ELP4: variants seen among roughly 807,000 people sequenced by gnomAD.
The protein encoded by ELP4 is elongator complex protein 4.
In ELP4, 51 loss-of-function variants were observed where a neutral mutation model predicts 48.9. The observed-to-expected ratio is 1.04, with a 90% CI of 0.83 to 1.32. ELP4 has a LOEUF of 1.32. Among genes scored for constraint, ELP4 ranks in the 40% most tolerant of loss-of-function variants. ELP4 has a pLI of 0.00. For missense variants in ELP4, 519 were observed against 514.6 expected (o/e 1.01, Z -0.08); for synonymous variants, 210 against 189.2 (o/e 1.11, Z -0.90).
chr11:31,641,290 G>A (rs950012440), intron 7 of ELP4, among the ~76,000 whole-genome samples: 2 of 151,642 alleles, frequency 1.3e-5, no homozygotes, highest in African/African-American at 2.4e-5. Context: ...ATTTCATTAC[G>A]GGGCATTATG....
At chr11:31,775,793 C>T (rs1011312298) in intron 9 of ELP4, among the ~76,000 whole-genome samples, 2 of 151,884 alleles carry the variant, frequency 1.3e-5, no homozygotes, top group Non-Finnish European at 2.9e-5. Flanking sequence ...GGCAAAATCC[C>T]GTCTCTACTA....
At chr11:31,686,051 A>G (rs1299826221) in intron 9 of ELP4, among the ~76,000 whole-genome samples, 1 of 152,018 alleles carries the variant, frequency 6.6e-6, no homozygotes, top group South Asian at 2.1e-4. Flanking sequence ...CAACTTCTCT[A>G]TAGTCTGTTA....
At chr11:31,712,098 T>C (rs1946753154) in intron 9 of ELP4, among the ~76,000 whole-genome samples, 1 of 152,026 alleles carries the variant, frequency 6.6e-6, no homozygotes, top group Admixed American at 6.6e-5. Flanking sequence ...TACCTAGGTC[T>C]AGTTACCATC....
intron 2 of ELP4, among the ~76,000 whole-genome samples, chr11:31,536,459 C>G (rs1956502883): frequency 6.6e-6 from 1 of 152,152 alleles, no homozygotes; most frequent in East Asian, 1.9e-4. Flanking sequence ...TCAAGCAATT[C>G]TCCTGCCTCA....
At chr11:31,711,543 T>A (rs1386885365) in intron 9 of ELP4, among the ~76,000 whole-genome samples, 1 of 152,210 alleles carries the variant, frequency 6.6e-6, no homozygotes, top group Admixed American at 6.5e-5. Flanking sequence ...TTTAATCTTT[T>A]AAAATTTACC....
chr11:31,782,273 A>G (rs1403906430), intron 9 of ELP4, among the ~76,000 whole-genome samples: 4 of 152,210 alleles, frequency 2.6e-5, no homozygotes, highest in Admixed American at 2.6e-4. Context: ...GTGGACCACA[A>G]TATTTTGACC....
chr11:31,665,641 A>T (rs968310675), intron 9 of ELP4, among the ~76,000 whole-genome samples: 5 of 148,302 alleles, frequency 3.4e-5, no homozygotes, highest in Non-Finnish European at 7.4e-5. Flanking sequence ...AAAAATGTTT[A>T]ATCGTCTCTC....
intron 9 of ELP4, among the ~76,000 whole-genome samples, chr11:31,771,064 A>G (rs1313389682): frequency 3.3e-5 from 5 of 152,216 alleles, no homozygotes; most frequent in African/African-American, 1.2e-4. Flanking sequence ...TAAAAGAATT[A>G]AACTCAGCAA....
chr11:31,732,169 A>G (rs574600126), intron 9 of ELP4, among the ~76,000 whole-genome samples: 2 of 152,348 alleles, frequency 1.3e-5, no homozygotes, highest in African/African-American at 4.8e-5. Flanking sequence ...GTAACACTGT[A>G]ATAGTAGTAT....
At chr11:31,615,818 C>T (rs967577976) in intron 5 of ELP4, among the ~76,000 whole-genome samples, 1 of 152,000 alleles carries the variant, frequency 6.6e-6, no homozygotes, top group East Asian at 1.9e-4. Context: ...TCCCTTCATA[C>T]CTCTTTAATT....
intron 9 of ELP4, among the ~76,000 whole-genome samples, chr11:31,744,505 A>T (rs1285879834): frequency 6.6e-6 from 1 of 152,194 alleles, no homozygotes; most frequent in Non-Finnish European, 1.5e-5. Flanking sequence ...ATACTGGCAA[A>T]CTGAATCCAG....
At chr11:31,772,386 C>T (rs1948164979) in intron 9 of ELP4, among the ~76,000 whole-genome samples, 1 of 152,158 alleles carries the variant, frequency 6.6e-6, no homozygotes, top group East Asian at 1.9e-4. Context: ...CTCCCAAGTG[C>T]TGGAATTACA....
intron 9 of ELP4, among the ~76,000 whole-genome samples, chr11:31,739,798 G>A (rs1445095845): frequency 6.6e-6 from 1 of 152,126 alleles, no homozygotes; most frequent in South Asian, 2.1e-4. Flanking sequence ...GCACACAATT[G>A]TCAGACCACA....
intron 9 of ELP4, among the ~76,000 whole-genome samples, chr11:31,667,058 G>A (rs965211927): frequency 6.6e-6 from 1 of 152,122 alleles, no homozygotes; most frequent in African/African-American, 2.4e-5. Flanking sequence ...TTTAAACAAA[G>A]GCTTTTGGAT....
In ELP4 at chr11:31,699,383, G is replaced by A. The variant is rs775212607; in HGVS notation, c.1143+49162G>A. On this transcript the variant is annotated intron_variant, in intron 9 of 9. Coordinates refer to ENST00000640961, the MANE Select transcript of ELP4 (RefSeq NM_019040.5). Reference sequence around the variant, plus strand: ...AGCCAGTCTGGGAAATTTGAGCATCGAAATTAATAATGGAAAACATTAAAT... The same window carrying A: ...AGCCAGTCTGGGAAATTTGAGCATCAAAATTAATAATGGAAAACATTAAAT... Among the ~76,000 whole-genome samples, 13 of 152,148 alleles carry A rather than the reference G, an allele frequency of 8.5e-5. 1 individual carries two copies. The highest frequency in any genetic ancestry group is 1.9e-4 in the African/African-American group (8 of 41,514).
chr11:31,730,101 T>C (rs1227466811), intron 9 of ELP4, among the ~76,000 whole-genome samples: 1 of 152,214 alleles, frequency 6.6e-6, no homozygotes, highest in Non-Finnish European at 1.5e-5. Flanking sequence ...AATTAGCCAC[T>C]GTAAGCCAAC....
intron 9 of ELP4, among the ~76,000 whole-genome samples, chr11:31,658,454 G>A (rs1168388727): frequency 6.6e-6 from 1 of 150,742 alleles, no homozygotes; most frequent in Non-Finnish European, 1.5e-5. Flanking sequence ...AGGTTTTTAT[G>A]GAAAAATTAA....
chr11:31,571,103 A>G (rs1957186990), intron 3 of ELP4, among the ~76,000 whole-genome samples: 1 of 152,034 alleles, frequency 6.6e-6, no homozygotes, highest in Non-Finnish European at 1.5e-5. Flanking sequence ...CAGCCCATGC[A>G]GTATACCTTT....
At chr11:31,534,089 G>A (rs1956458029) in intron 2 of ELP4, among the ~76,000 whole-genome samples, 1 of 152,146 alleles carries the variant, frequency 6.6e-6, no homozygotes, top group African/African-American at 2.4e-5. Flanking sequence ...GCCCGCCTCG[G>A]CCTCCCAAAG....
Sources: allele counts gnomAD v4.1 joint callset (sites outside exome capture counted in the v4.1 genomes callset), GRCh38; gene constraint gnomAD v4.1.1; transcripts MANE v1.5; gene names NCBI Gene and HGNC (gene_info 2026-07-23, HGNC 2026-07-21).